Variants in PMFBP1 observed in about 807,000 individuals in gnomAD.
PMFBP1 encodes the protein polyamine modulated factor 1 binding protein 1.
In PMFBP1, 131 loss-of-function variants were observed where a neutral mutation model predicts 137.8. The observed-to-expected ratio is 0.95, with a 90% CI of 0.82 to 1.10. PMFBP1 has a LOEUF of 1.10. Ranked by LOEUF, PMFBP1 falls within the 50% of genes least tolerant of loss-of-function variation. PMFBP1 has a pLI of 0.00. For synonymous variants in PMFBP1, 490 were observed against 450.4 expected (o/e 1.09, Z -1.11); for missense variants, 1,199 against 1,175.4 (o/e 1.02, Z -0.29).
the PMFBP1 span, chr16:72,224,793 T>C: frequency 6.6e-6 from 1 of 152,242 alleles, no homozygotes; most frequent in South Asian, 2.1e-4. Context: ...AATTTCATAT[T>C]GTCTCTTACA....
chr16:72,164,956 T>C (rs1423993908), intron 2 of PMFBP1, 40 bp from the exon 3 acceptor site: 2 of 1,535,384 alleles, frequency 1.3e-6, no homozygotes, highest in African/African-American at 1.4e-5. Flanking sequence ...TTATAAACTA[T>C]CAAGAAAGTG....
At chr16:72,185,269 C>G in the PMFBP1 span, among the ~76,000 whole-genome samples, 1 of 152,208 alleles carries the variant, frequency 6.6e-6, no homozygotes, top group Admixed American at 6.5e-5. Flanking sequence ...AGTGATCCAC[C>G]CAGCTTGGCC....
the PMFBP1 span, among the ~76,000 whole-genome samples, chr16:72,215,874 A>G: frequency 2.6e-5 from 4 of 152,146 alleles, no homozygotes; most frequent in African/African-American, 9.7e-5. Context: ...GCATTTTAAG[A>G]TCTTTGTTTT....
the PMFBP1 span, among the ~76,000 whole-genome samples, chr16:72,221,567 G>T: frequency 6.6e-6 from 1 of 152,208 alleles, no homozygotes; most frequent in Non-Finnish European, 1.5e-5. Context: ...ATTCTGAGGA[G>T]CTTGTCTTTG....
chr16:72,234,956 T>C, the PMFBP1 span, among the ~76,000 whole-genome samples: 6 of 152,216 alleles, frequency 3.9e-5, no homozygotes, highest in African/African-American at 7.2e-5. Flanking sequence ...ATTTATCAGA[T>C]AGATTATTTG....
chr16:72,129,555 T>G (rs1231475954), intron 12 of PMFBP1, among the ~76,000 whole-genome samples: 1 of 152,206 alleles, frequency 6.6e-6, no homozygotes, highest in Non-Finnish European at 1.5e-5. Context: ...TAAAAAATCT[T>G]AGAAGAGAAC....
At chr16:72,247,402 A>G in the PMFBP1 span, among the ~76,000 whole-genome samples, 2 of 152,228 alleles carry the variant, frequency 1.3e-5, no homozygotes, top group Non-Finnish European at 2.9e-5. Context: ...GTGATAACAC[A>G]AGCTTCAGCT....
chr16:72,180,481 T>C (rs1032870018), upstream of PMFBP1, among the ~76,000 whole-genome samples: 5 of 152,152 alleles, frequency 3.3e-5, no homozygotes, highest in Admixed American at 3.3e-4. Flanking sequence ...TCGACCACAT[T>C]GACTGAAGCC....
At chr16:72,154,146 G>A (rs2144433427) in intron 4 of PMFBP1, 65 bp downstream of exon 4, 1 of 1,578,242 alleles carries the variant, frequency 6.3e-7, no homozygotes, top group Admixed American at 1.7e-5. Context: ...CTTTCTAGTG[G>A]GCTTGGTCTG....
At chr16:72,132,448 G>A (rs1486969399) in intron 10 of PMFBP1, among the ~76,000 whole-genome samples, 1 of 152,238 alleles carries the variant, frequency 6.6e-6, no homozygotes, top group East Asian at 1.9e-4. Context: ...GAGGATTGTG[G>A]TGCAAAGGAC....
At chr16:72,227,292 G>A in the PMFBP1 span, among the ~76,000 whole-genome samples, 1 of 152,204 alleles carries the variant, frequency 6.6e-6, no homozygotes, top group African/African-American at 2.4e-5. Context: ...GTGTTAAAGA[G>A]CTGATCCTTC....
intron 5 of PMFBP1, among the ~76,000 whole-genome samples, chr16:72,147,596 A>G (rs2042829073): frequency 6.6e-6 from 1 of 152,076 alleles, no homozygotes; most frequent in Non-Finnish European, 1.5e-5. Flanking sequence ...CAACCTACGG[A>G]TTGGGAGAAA....
At chr16:72,240,721 G>A in the PMFBP1 span, among the ~76,000 whole-genome samples, 1 of 152,350 alleles carries the variant, frequency 6.6e-6, no homozygotes, top group African/African-American at 2.4e-5. Context: ...CTCCGGCTGA[G>A]TGTCCTAGGA....
At position 72,136,789 on chromosome 16, in the gene PMFBP1, T is replaced by G. The variant is rs1321514094; in HGVS notation, c.949A>C (p.Ser317Arg). The G allele has an allele frequency of 6.2e-7, 1 of 1,614,228 alleles. No individual in the cohort carries two copies. Residue 317 changes from serine (S) to arginine (R), a missense_variant, in exon 8 of 21, where the codon AGC (serine) becomes CGC (arginine). By Grantham distance (110) the Ser-to-Arg change is moderately radical (BLOSUM62 -1). Coordinates refer to ENST00000237353, the MANE Select transcript of PMFBP1 (RefSeq NM_031293.3). ...TACTCCTCCACATGCAGGCACTGGCTGTCTTTCTGCTCCTGCAAGTGCTTC... is the reference window on the plus strand; with the variant it reads ...TACTCCTCCACATGCAGGCACTGGCGGTCTTTCTGCTCCTGCAAGTGCTTC... ...ILKHLQEQKD[S>R]QCLHVEEYQN...
chr16:72,232,833 T>C, the PMFBP1 span, among the ~76,000 whole-genome samples: 3 of 152,094 alleles, frequency 2.0e-5, no homozygotes, highest in South Asian at 4.1e-4. Context: ...GCACTGAACA[T>C]GTTCTAAGTG....
the PMFBP1 span, among the ~76,000 whole-genome samples, chr16:72,208,462 C>T: frequency 1.3e-5 from 2 of 152,194 alleles, no homozygotes; most frequent in South Asian, 2.1e-4. Context: ...TTCCTTTTCC[C>T]CCAGCTTATT....
intron 7 of PMFBP1, 28 bp downstream of exon 7, chr16:72,139,261 T>C (rs537817379): frequency 2.6e-6 from 4 of 1,533,942 alleles, no homozygotes; most frequent in Middle Eastern, 1.8e-4. Context: ...CCGATCCCAG[T>C]AGGCACAGAT....
upstream of PMFBP1, among the ~76,000 whole-genome samples, chr16:72,177,370 A>G (rs1441532844): frequency 6.6e-6 from 1 of 152,186 alleles, no homozygotes; most frequent in Non-Finnish European, 1.5e-5. Context: ...CAGCCTTGCC[A>G]GGTGTGTACC....
intron 5 of PMFBP1, among the ~76,000 whole-genome samples, chr16:72,150,349 T>G (rs1419619691): frequency 1.3e-5 from 2 of 152,194 alleles, no homozygotes; most frequent in African/African-American, 4.8e-5. Flanking sequence ...GGGCTGAAGC[T>G]TATTTGGTAA....
Sources: gnomAD v4.1 joint callset for allele counts (sites outside exome capture counted in the v4.1 genomes callset) on GRCh38, gnomAD v4.1.1 for gene constraint, MANE v1.5 for transcripts, NCBI Gene and HGNC (gene_info 2026-07-23, HGNC 2026-07-21) for gene names.